IL5RA: variants seen among roughly 807,000 people sequenced by gnomAD.
IL5RA encodes the protein interleukin 5 receptor subunit alpha, also known as interleukin-5 receptor subunit alpha.
A neutral mutation model predicts 50.0 loss-of-function variants in IL5RA; 49 were observed. That is an observed-to-expected ratio of 0.98 (90% CI 0.78 to 1.24). The LOEUF is 1.24. IL5RA is among the 50% of genes most tolerant of loss of function. The probability of loss-of-function intolerance (pLI) is 0.00; values close to 1 mark genes in which losing one functional copy is unlikely to be tolerated. For synonymous variants in IL5RA, 202 were observed against 174.0 expected, an observed-to-expected ratio of 1.16 and a Z score of -1.26; for missense variants, 600 against 500.4, an observed-to-expected ratio of 1.20 and a Z score of -1.90.
rs1702493087 is a variant in IL5RA at position 3,076,586 on chromosome 3, C to T, written c.1036G>A (p.Val346Met). ...HKPLREWFVI[V>M]IMATICFILL... ...ATGAAGCAGATGGTTGCCATAATCA[C>T]AATGACAAACCACTCTCTCAAGGGC... is the stretch of plus-strand genomic sequence containing the variant. The change falls in exon 10 of 12, where the codon GTG (valine) becomes ATG (methionine). Residue 346 changes from valine to methionine, a missense_variant. By Grantham distance (21) the Val-to-Met change is conservative (BLOSUM62 1). Transcript: ENST00000446632. 1 of 1,612,530 alleles carries T rather than the reference C, an allele frequency of 6.2e-7. No homozygotes were observed. The highest frequency in any genetic ancestry group is 8.5e-7 in the Non-Finnish European group (1 of 1,178,852).
intron 10 of IL5RA, 148 bp downstream of exon 10, chr3:3,076,383 C>A: frequency 1.6e-6 from 1 of 610,656 alleles, no homozygotes; most frequent in Admixed American, 3.1e-5. Flanking sequence ...ATTTGGCCTA[C>A]ACTCATCTTG....
intron 4 of IL5RA, 92 bp downstream of exon 4, chr3:3,102,583 T>C: frequency 2.2e-6 from 2 of 900,760 alleles, no homozygotes; most frequent in Non-Finnish European, 3.3e-6. Flanking sequence ...AGTAATTTTA[T>C]TTTTTTAATC....
At chr3:3,071,292 T>C (rs1016047393) in intron 11 of IL5RA, among the ~76,000 whole-genome samples, 1 of 152,134 alleles carries the variant, frequency 6.6e-6, no homozygotes, top group Non-Finnish European at 1.5e-5. Context: ...CTCTTGGCCA[T>C]TGTAGAAACA....
rs1397931490 is a variant in IL5RA at position 3,088,062 on chromosome 3, T to C, written c.994+4162A>G. Among the ~76,000 whole-genome samples, 3 of 152,094 alleles carry C rather than the reference T, an allele frequency of 2.0e-5. No homozygotes were observed. In the East Asian group the frequency reaches 5.8e-4, roughly 29 times the overall value. On this transcript the variant is annotated intron_variant, in intron 9 of 11. Coordinates refer to ENST00000446632, the MANE Select transcript of IL5RA (RefSeq NM_175726.4). ...ATGAAATGGGATTTGCTATAGATAATGGCAACGAGGTACACCTGGGGGAAA... is the reference window on the plus strand; with the variant it reads ...ATGAAATGGGATTTGCTATAGATAACGGCAACGAGGTACACCTGGGGGAAA...
chr3:3,098,598 G>T (rs181820624), intron 5 of IL5RA, among the ~76,000 whole-genome samples: 9 of 152,132 alleles, frequency 5.9e-5, no homozygotes, highest in African/African-American at 2.2e-4. Context: ...AGTAGAGCTG[G>T]CGTTTCACCA....
At chr3:3,071,187 C>T (rs970514614) in intron 11 of IL5RA, among the ~76,000 whole-genome samples, 1 of 152,202 alleles carries the variant, frequency 6.6e-6, no homozygotes, top group African/African-American at 2.4e-5. Context: ...TGCCGTGTCT[C>T]GGGAATTCAC....
chr3:3,106,436 G>C (rs576443638), intron 2 of IL5RA, among the ~76,000 whole-genome samples: 2 of 151,930 alleles, frequency 1.3e-5, no homozygotes, highest in South Asian at 2.1e-4. Flanking sequence ...GGAAAGGATC[G>C]GCATATAAAT....
Position 3,098,076 on chromosome 3 carries a change from G to T in IL5RA, c.522-19C>A. On this transcript the variant is annotated intron_variant, in intron 6 of 11. Transcript: ENST00000446632. ...GCCATACCTAAATTGGAACATTTACGAGTGTTATGAGGTTGCAGGAAACAA... is the reference window on the plus strand; with the variant it reads ...GCCATACCTAAATTGGAACATTTACTAGTGTTATGAGGTTGCAGGAAACAA... 1 of 1,614,072 alleles carries T rather than the reference G, an allele frequency of 6.2e-7. No individual in the cohort carries two copies. The highest frequency in any genetic ancestry group is 8.5e-7 in the Non-Finnish European group (1 of 1,179,946).
At chr3:3,085,255 C>A (rs533780524) in intron 9 of IL5RA, among the ~76,000 whole-genome samples, 5 of 152,338 alleles carry the variant, frequency 3.3e-5, no homozygotes, top group Middle Eastern at 6.8e-3. Context: ...GTTATTGGGT[C>A]AACTCTTGTT....
In IL5RA at chr3:3,068,554, G is replaced by A. The variant is rs1481654849; in HGVS notation, c.*1671C>T. 1 of 128,584 alleles carries A rather than the reference G, an allele frequency of 7.8e-6. No homozygotes were observed. The highest frequency in any genetic ancestry group is 1.5e-5 in the Non-Finnish European group (1 of 64,572). 8.0% of individuals were successfully genotyped at this position (128,584 alleles called of 1,614,324 possible). A position where few individuals can be genotyped will look rare whatever the true frequency, so the allele number is the denominator to read the frequency against. ...CACATCACTACACTCTAGCCTGGGA[G>A]ACAGAACAAGACTGTCTCCACCACC... On this transcript the variant is annotated 3_prime_UTR_variant, in exon 12 of 12. Transcript: ENST00000446632.
In IL5RA at chr3:3,070,198, GTT is replaced by G; in HGVS notation, c.*25_*26del. The G allele has an allele frequency of 1.4e-6, 2 of 1,478,382 alleles. No homozygotes were observed. Among genetic ancestry groups the G allele is most frequent in the Non-Finnish European group, 1.9e-6 (2 of 1,060,012 alleles). The allele number at this position is 1,478,382 out of a possible 1,614,324, so 91.6% of individuals were successfully genotyped here. On this transcript the variant is annotated 3_prime_UTR_variant, in exon 12 of 12. Coordinates refer to ENST00000446632, the MANE Select transcript of IL5RA (RefSeq NM_175726.4). ...CACTGAGGCACTGAGGCATGTGTGA[GTT>G]CATCAGAGGATGCCAAAGTGACAGT... is the stretch of plus-strand genomic sequence containing the variant.
chr3:3,076,399 G>A, intron 10 of IL5RA, 132 bp downstream of exon 10: 1 of 634,188 alleles, frequency 1.6e-6, no homozygotes, highest in South Asian at 2.0e-5. Context: ...TCTTGGACAG[G>A]TCATCTAGGC....
chr3:3,085,948 CTGTGACCTCATGAATGAGTGATCT>C (rs1702841702), intron 9 of IL5RA, among the ~76,000 whole-genome samples: 6 of 149,242 alleles, frequency 4.0e-5, no homozygotes, highest in African/African-American at 1.6e-4. Flanking sequence ...CTGAAAATTG[CTGTGACCTCATGAATGAGTGATCT>C]GAAAACGGTG....
Position 3,097,862 on chromosome 3 carries a change from G to C in IL5RA, c.709+8C>G. The C allele has an allele frequency of 6.2e-7, 1 of 1,607,570 alleles. No individual in the cohort carries two copies. Among genetic ancestry groups the C allele is most frequent in the East Asian group, 2.2e-5 (1 of 44,712 alleles). On this transcript the variant is annotated splice_region_variant and intron_variant, in intron 7 of 11. Transcript: ENST00000446632. ...AGTTATTTCAGCTTTGGGTTAAGTC[G>C]GTCTTACCAATGGCGTGAAGGGCAA...
In IL5RA at chr3:3,101,852, C is replaced by G. The variant is rs950934526; in HGVS notation, c.229-22G>C. On this transcript the variant is annotated intron_variant, in intron 4 of 11. Transcript: ENST00000446632. ...CATACTAAAAATAAAACCCACAAGT[C>G]ATGATACATAAAAGAGAACTAGACT... 3 of 1,606,962 alleles carry G rather than the reference C, an allele frequency of 1.9e-6. No homozygotes were observed. The African/African-American group carries it at 4.0e-5, about 21-fold the overall frequency.
Position 3,070,285 on chromosome 3 carries a change from A to G in IL5RA, c.1203T>C (p.Ile401=). 1 of 1,613,236 alleles carries G rather than the reference A, an allele frequency of 6.2e-7. No individual in the cohort carries two copies. The highest frequency in any genetic ancestry group is 2.2e-5 in the East Asian group (1 of 44,844). ...GCTTCTCTATATAACAGATGACTTCAATTTCCGTCTCACTGGACCCAGCTT... is the reference window on the plus strand; with the variant it reads ...GCTTCTCTATATAACAGATGACTTCGATTTCCGTCTCACTGGACCCAGCTT... ...YEKAGSSETE[I]EVICYIEKPG... The change falls in exon 12 of 12, where the codon ATT becomes ATC. Residue 401 remains isoleucine (I), a synonymous_variant. Coordinates refer to ENST00000446632, the MANE Select transcript of IL5RA (RefSeq NM_175726.4).
intron 4 of IL5RA, among the ~76,000 whole-genome samples, chr3:3,102,239 G>T (rs1703687564): frequency 6.6e-6 from 1 of 152,228 alleles, no homozygotes; most frequent in Admixed American, 6.5e-5. Context: ...CTGAGGCTCT[G>T]AGAAGCTAAA....
At chr3:3,105,538 T>C (rs1257220047) in intron 2 of IL5RA, 1 of 152,206 alleles carries the variant, frequency 6.6e-6, no homozygotes, top group Non-Finnish European at 1.5e-5. Flanking sequence ...ATCTGTAGCC[T>C]AAGAGAAACT....
intron 2 of IL5RA, among the ~76,000 whole-genome samples, chr3:3,106,947 G>A (rs1379489598): frequency 1.3e-5 from 2 of 152,086 alleles, no homozygotes; most frequent in African/African-American, 4.8e-5. Flanking sequence ...CAATTAAATT[G>A]TTGAAGTAAA....
Sources: gnomAD v4.1 joint callset for allele counts (sites outside exome capture counted in the v4.1 genomes callset) on GRCh38, gnomAD v4.1.1 for gene constraint, MANE v1.5 for transcripts, NCBI Gene and HGNC (gene_info 2026-07-23, HGNC 2026-07-21) for gene names.